Variants in DDX39B observed in about 807,000 individuals in gnomAD.
DDX39B encodes DExD-box helicase 39B.
In DDX39B, 6 loss-of-function variants were observed where a neutral mutation model predicts 46.4. The ratio of observed to expected loss-of-function variants is 0.13; its 90% CI spans 0.07 to 0.26. DDX39B has a LOEUF of 0.26. Ranked by LOEUF, DDX39B falls within the 10% of genes least tolerant of loss-of-function variation. The pLI is 1.00. For synonymous variants in DDX39B, 174 were observed against 199.4 expected, an observed-to-expected ratio of 0.87 and a Z score of 1.07; for missense variants, 185 against 553.4, an observed-to-expected ratio of 0.33 and a Z score of 6.68.
chr6:31,533,590 G>A (rs186605730), intron 6 of DDX39B: 313 of 152,836 alleles, frequency 2.0e-3, no homozygotes, highest in Non-Finnish European at 4.1e-3. Context: ...TACAGGAAAG[G>A]TATCAGTAAG....
intron 7 of DDX39B, among the ~76,000 whole-genome samples, chr6:31,532,196 A>T (rs1432844233): frequency 6.6e-6 from 1 of 152,180 alleles, no homozygotes. Flanking sequence ...GAACCCTAAC[A>T]TGCCCCCAAA....
intron 1 of DDX39B, chr6:31,541,043 C>CA: frequency 3.9e-6 from 2 of 516,984 alleles, no homozygotes; most frequent in African/African-American, 3.9e-5. Flanking sequence ...GAAAAGTCCT[C>CA]AAAGGAAGAC....
intron 2 of DDX39B, 147 bp from the exon 3 acceptor site, chr6:31,539,421 C>T (rs1768151843): frequency 8.7e-7 from 1 of 1,149,628 alleles, no homozygotes; most frequent in African/African-American, 1.6e-5. Flanking sequence ...CCCATTTTAC[C>T]TCTCTCTGCT....
intron 4 of DDX39B, among the ~76,000 whole-genome samples, chr6:31,537,927 CG>C (rs1039126789): frequency 1.3e-5 from 2 of 152,078 alleles, no homozygotes; most frequent in Admixed American, 1.3e-4. Flanking sequence ...CCCAGCTACT[CG>C]GGGGGTTGAG....
chr6:31,534,720 C>T lies in DDX39B; in HGVS notation c.735+647G>A, dbSNP rs188795516. ...GCTGCCGCCATCCACCGCTGGGTGC[C>T]GTCTGCATTCCCTCGCCGCGCCACG... On this transcript the variant is annotated intron_variant, in intron 6 of 10. Transcript: ENST00000396172. The surrounding 1 kb of genome is among the most constrained non-coding windows in gnomAD (Gnocchi z 5.1). 3.8e-3 allele frequency: 1,334 copies of T among 350,820 alleles called. 45 individuals carry two copies. In the East Asian group the frequency reaches 0.042, roughly 11 times the overall value. 21.7% of individuals were successfully genotyped at this position (350,820 alleles called of 1,614,324 possible). A position where few individuals can be genotyped will look rare whatever the true frequency, so the allele number is the denominator to read the frequency against.
At chr6:31,532,710 C>T (rs1767309243) in intron 7 of DDX39B, 70 bp downstream of exon 7, 3 of 1,565,474 alleles carry the variant, frequency 1.9e-6, no homozygotes, top group African/African-American at 1.4e-5. Context: ...TAAAAGTGTA[C>T]TTAATATCCA....
rs1767739911 is a variant in DDX39B at position 31,536,000 on chromosome 6, G to T, written c.616+500C>A. Among the ~76,000 whole-genome samples the T allele has an allele frequency of 6.6e-6, 1 of 152,104 alleles. No homozygotes were observed. Among genetic ancestry groups the T allele is most frequent in the Admixed American group, 6.5e-5 (1 of 15,268 alleles). ...GTCCAACCCCACTCTCATTCACCAA[G>T]ATTCAATTCTTACAGAAAAATCTTC... On this transcript the variant is annotated intron_variant, in intron 5 of 10. Transcript: ENST00000396172. The surrounding 1 kb of genome is among the most constrained non-coding windows in gnomAD (Gnocchi z 4.6).
Position 31,535,057 on chromosome 6 carries a change from T to C in DDX39B, c.735+310A>G. ...TAAGAGACGATGGATGGGTGGGTGG[T>C]AGGGCAGAAAAATCCTGCCCTCCCC... On this transcript the variant is annotated intron_variant, in intron 6 of 10. Transcript: ENST00000396172. The surrounding 1 kb of genome is among the most constrained non-coding windows in gnomAD (Gnocchi z 4.6). 2.3e-6 allele frequency: 1 copy of C among 436,062 alleles called. No individual in the cohort carries two copies. Among genetic ancestry groups the C allele is most frequent in the Non-Finnish European group, 4.3e-6 (1 of 234,084 alleles). 27.0% of individuals were successfully genotyped at this position (436,062 alleles called of 1,614,324 possible).
In DDX39B at chr6:31,536,622, C is replaced by A; in HGVS notation, c.494G>T (p.Cys165Phe). 1 of 1,613,202 alleles carries A rather than the reference C, an allele frequency of 6.2e-7. No individual in the cohort carries two copies. The highest frequency in any genetic ancestry group is 8.5e-7 in the Non-Finnish European group (1 of 1,180,038). The change falls in exon 5 of 11, where the codon TGC (cysteine) becomes TTC (phenylalanine). Residue 165 changes from cysteine (C) to phenylalanine (F), a missense_variant. By Grantham distance (205) the Cys-to-Phe change is radical. Coordinates refer to ENST00000396172, the MANE Select transcript of DDX39B (RefSeq NM_004640.7). ...TGGAGTCCCCACGACGATATGCGGG[C>A]AGTTCTTCTTCAGCACCTCTTCATC... ...KKDEEVLKKN[C>F]PHIVVGTPGR...
chr6:31,541,678 C>T, intron 1 of DDX39B: 2 of 508,662 alleles, frequency 3.9e-6, no homozygotes, highest in South Asian at 3.1e-5. Context: ...GATGCTGAGG[C>T]CTCCAATATG....
Position 31,536,737 on chromosome 6 carries a change from C to T in DDX39B, c.433-54G>A, listed in dbSNP as rs1767822154. 2.5e-6 allele frequency: 4 copies of T among 1,583,144 alleles called. No homozygotes were observed. In the South Asian group the frequency reaches 3.4e-5, roughly 14 times the overall value. On this transcript the variant is annotated intron_variant, in intron 4 of 10. Coordinates refer to ENST00000396172, the MANE Select transcript of DDX39B (RefSeq NM_004640.7). ...AACAGAGGAAGGAAAGAGTCCAATC[C>T]CCCCAGGGTTCCCACTCTGTTTGAG...
At chr6:31,538,726 C>A in intron 4 of DDX39B, 37 bp downstream of exon 4, 1 of 1,574,774 alleles carries the variant, frequency 6.4e-7, no homozygotes, top group Non-Finnish European at 8.6e-7. Context: ...TCCAACTTGC[C>A]ACACCCTCAC....
At chr6:31,536,056 A>G (rs942075101) in intron 5 of DDX39B, among the ~76,000 whole-genome samples, 20 of 152,286 alleles carry the variant, frequency 1.3e-4, no homozygotes, top group African/African-American at 4.6e-4. Flanking sequence ...CTAGAATACC[A>G]CATCACACAA....
rs755583507 is a variant in DDX39B, at chr6:31,532,772, T to C, written c.867+8A>G. On this transcript the variant is annotated splice_region_variant and intron_variant, in intron 7 of 10. Coordinates refer to ENST00000396172, the MANE Select transcript of DDX39B (RefSeq NM_004640.7). ...AATGCTCATCCCCCTACTGGACGTC[T>C]AACTGACCTGGTTGAACTCAAGGAC... 1.2e-6 allele frequency: 2 copies of C among 1,610,116 alleles called. No homozygotes were observed. The highest frequency in any genetic ancestry group is 2.2e-5 in the East Asian group (1 of 44,846).
In DDX39B at chr6:31,530,430, T is replaced by A; in HGVS notation, c.*4A>T. The A allele has an allele frequency of 1.2e-6, 2 of 1,612,134 alleles. No homozygotes were observed. The highest frequency in any genetic ancestry group is 1.7e-6 in the Non-Finnish European group (2 of 1,179,800). On this transcript the variant is annotated 3_prime_UTR_variant, in exon 11 of 11. Transcript: ENST00000396172. The surrounding 1 kb of genome is among the most constrained non-coding windows in gnomAD (Gnocchi z 4.5). ...ACGGTCACATTCCAAAATGGGCGAGTCTTCTACCGTGTCTGTTCAACTGAG... is the reference window on the plus strand; with the variant it reads ...ACGGTCACATTCCAAAATGGGCGAGACTTCTACCGTGTCTGTTCAACTGAG...
intron 7 of DDX39B, 29 bp downstream of exon 7, chr6:31,532,751 C>G (rs1422604951): frequency 6.2e-7 from 1 of 1,607,900 alleles, no homozygotes. Flanking sequence ...TGCTCCAATG[C>G]TCATCCCCCT....
chr6:31,531,524 T>C lies in DDX39B; in HGVS notation c.868-119A>G. On this transcript the variant is annotated intron_variant, in intron 7 of 10. Coordinates refer to ENST00000396172, the MANE Select transcript of DDX39B (RefSeq NM_004640.7). This position sits in a 1 kb window ranked among gnomAD's most constrained non-coding sequence, Gnocchi z 5.8. ...TTACGTTCTCAGGAATTCCTCTTCA[T>C]TTCTCTTATTCCCCCACTATATATT... is the stretch of plus-strand genomic sequence containing the variant. 1.3e-6 allele frequency: 1 copy of C among 781,142 alleles called. No individual in the cohort carries two copies. The highest frequency in any genetic ancestry group is 1.7e-5 in the South Asian group (1 of 59,238). The allele number at this position is 781,142 out of a possible 1,614,324, so 48.4% of individuals were successfully genotyped here.
intron 7 of DDX39B, 59 bp downstream of exon 7, chr6:31,532,721 G>A: frequency 6.9e-6 from 11 of 1,590,246 alleles, no homozygotes; most frequent in Non-Finnish European, 9.5e-6. Context: ...TTAATATCCA[G>A]GTTTCTGCTA....
At position 31,535,351 on chromosome 6, in the gene DDX39B, G is replaced by A. The variant is rs375495883; in HGVS notation, c.735+16C>T. 1.1e-4 allele frequency: 172 copies of A among 1,610,152 alleles called. No individual in the cohort carries two copies. Among genetic ancestry groups the A allele is most frequent in the Admixed American group, 1.7e-5 (1 of 59,998 alleles). On this transcript the variant is annotated intron_variant, in intron 6 of 10. Transcript: ENST00000396172. The surrounding 1 kb of genome is among the most constrained non-coding windows in gnomAD (Gnocchi z 4.6). ...CGGGCGGGGAGTGGAGGGAGAGAAG[G>A]TAGAAGGGTATTTACATCTTGCATG...
Sources: gnomAD v4.1 joint callset for allele counts (sites outside exome capture counted in the v4.1 genomes callset) on GRCh38, gnomAD v4.1.1 for gene constraint, Gnocchi (gnomAD v3.1) non-coding constraint, MANE v1.5 for transcripts, NCBI Gene and HGNC (gene_info 2026-07-23, HGNC 2026-07-21) for gene names.